CELF2: variants seen among roughly 807,000 people sequenced by gnomAD.
CELF2 encodes CUGBP Elav-like family member 2.
Under a neutral mutation model 62.6 loss-of-function variants are expected in CELF2, and 8 were observed. The ratio of observed to expected loss-of-function variants is 0.13; its 90% CI spans 0.07 to 0.23. The LOEUF is 0.23. Among genes scored for constraint, CELF2 ranks in the 10% least tolerant of loss-of-function variants. The probability of loss-of-function intolerance (pLI) is 1.00; values close to 1 mark genes in which losing one functional copy is unlikely to be tolerated. For missense variants in CELF2, 333 were observed against 671.0 expected (o/e 0.50, Z 5.56); for synonymous variants, 258 against 250.0 (o/e 1.03, Z -0.30).
intron 1 of CELF2, among the ~76,000 whole-genome samples, chr10:11,116,189 C>A (rs982958789): frequency 2.6e-5 from 4 of 152,196 alleles, no homozygotes; most frequent in African/African-American, 9.7e-5. Context: ...TACAAACCAT[C>A]CTTCAGAAGA....
chr10:10,940,797 A>G (rs1352633682), intron 2 of CELF2, among the ~76,000 whole-genome samples: 1 of 152,194 alleles, frequency 6.6e-6, no homozygotes, highest in Non-Finnish European at 1.5e-5. Flanking sequence ...GGTAGGGAGA[A>G]GAAGGGTTGC....
the CELF2 span, chr10:10,792,336 G>A: frequency 1.7e-4 from 67 of 398,206 alleles, no homozygotes; most frequent in African/African-American, 1.3e-3. Flanking sequence ...GAGTTTTTGT[G>A]GGGGAGTGGG....
At chr10:10,486,409 T>G in the CELF2 span, among the ~76,000 whole-genome samples, 1 of 152,118 alleles carries the variant, frequency 6.6e-6, no homozygotes, top group African/African-American at 2.4e-5. Context: ...CTCAAATGAG[T>G]CTTCTCTAAT....
chr10:10,519,354 A>G, the CELF2 span, among the ~76,000 whole-genome samples: 1 of 152,332 alleles, frequency 6.6e-6, no homozygotes, highest in African/African-American at 2.4e-5. Context: ...GCTAAATCAA[A>G]GAAAGAATCC....
At chr10:10,918,368 G>A (rs1175475665) in intron 1 of CELF2, among the ~76,000 whole-genome samples, 1 of 152,160 alleles carries the variant, frequency 6.6e-6, no homozygotes, top group African/African-American at 2.4e-5. Flanking sequence ...TTCAATTCTG[G>A]TTTTGCTGAA....
At chr10:10,503,331 G>A in the CELF2 span, among the ~76,000 whole-genome samples, 1 of 151,904 alleles carries the variant, frequency 6.6e-6, no homozygotes. Flanking sequence ...GAATGTTAAA[G>A]TCTATAACTC....
the CELF2 span, among the ~76,000 whole-genome samples, chr10:10,569,653 A>G: frequency 0.05 from 7,546 of 152,242 alleles, 416 homozygotes; most frequent in African/African-American, 0.13. Flanking sequence ...TTAAAGAGAG[A>G]GGAATTCAAT....
rs185172210 is a variant in CELF2 at position 11,275,269 on chromosome 10, C to T, written c.841+149C>T. On this transcript the variant is annotated intron_variant, in intron 8 of 12. Transcript: ENST00000633077. Reference sequence around the variant, plus strand: ...CTGTCTTTGGTGTTAACGTTGGAACCGCCTGCTCTGAAGTGTCTCTGTTAT... The same window carrying T: ...CTGTCTTTGGTGTTAACGTTGGAACTGCCTGCTCTGAAGTGTCTCTGTTAT... 67 of 806,986 alleles carry T rather than the reference C, an allele frequency of 8.3e-5. No homozygotes were observed. The African/African-American group carries it at 9.2e-4, about 11-fold the overall frequency. 50.0% of individuals were successfully genotyped at this position (806,986 alleles called of 1,614,324 possible).
intron 2 of CELF2, among the ~76,000 whole-genome samples, chr10:10,975,190 G>T (rs558333422): frequency 6.6e-6 from 1 of 152,086 alleles, no homozygotes; most frequent in Non-Finnish European, 1.5e-5. Context: ...CAATCATGGC[G>T]TACTGCAGCT....
At chr10:10,546,643 C>G in the CELF2 span, among the ~76,000 whole-genome samples, 1 of 152,056 alleles carries the variant, frequency 6.6e-6, no homozygotes, top group Admixed American at 6.6e-5. Context: ...ACTCTCTGGT[C>G]AAGAGCACAA....
At chr10:10,473,544 C>T in the CELF2 span, among the ~76,000 whole-genome samples, 6 of 151,854 alleles carry the variant, frequency 4.0e-5, no homozygotes, top group African/African-American at 4.8e-5. Context: ...GACAGTCACG[C>T]CTTTTAAATA....
intron 2 of CELF2, among the ~76,000 whole-genome samples, chr10:10,924,281 CAA>C (rs11415164): frequency 7.8e-4 from 35 of 45,076 alleles, no homozygotes; most frequent in African/African-American, 2.2e-3. Context: ...GACTCCGTCC[CAA>C]AAAAAAAAAA....
chr10:10,596,517 A>C, the CELF2 span, among the ~76,000 whole-genome samples: 1 of 152,148 alleles, frequency 6.6e-6, no homozygotes, highest in Non-Finnish European at 1.5e-5. Context: ...CCCAGTTGCT[A>C]CTGCAAAAAC....
the CELF2 span, among the ~76,000 whole-genome samples, chr10:10,556,120 G>C: frequency 1.3e-5 from 2 of 152,042 alleles, no homozygotes; most frequent in African/African-American, 4.8e-5. Flanking sequence ...ACATGCTGGT[G>C]TGCTGCACCC....
rs2093903062 is a variant in CELF2 at position 11,302,919 on chromosome 10, CGT to C, written c.977-11215_977-11214del. On this transcript the variant is annotated intron_variant, in intron 9 of 12. Transcript: ENST00000633077. The surrounding 1 kb of genome is among the most constrained non-coding windows in gnomAD (Gnocchi z 5.0). Reference sequence around the variant, plus strand: ...TTTCTCTGCCAGGAGATGAAGCCAGCGTGTGTTTGGCACAACAATAAGAGCTT... The same window carrying C: ...TTTCTCTGCCAGGAGATGAAGCCAGCGTGTTTGGCACAACAATAAGAGCTT... 6.6e-6 allele frequency among the ~76,000 whole-genome samples: 1 copy of C among 152,142 alleles called. No homozygotes were observed.
At chr10:10,912,973 C>T (rs754637603) in intron 1 of CELF2, among the ~76,000 whole-genome samples, 1 of 152,114 alleles carries the variant, frequency 6.6e-6, no homozygotes, top group Non-Finnish European at 1.5e-5. Flanking sequence ...AGTGAGTGGA[C>T]GCCTGTAAAT....
the CELF2 span, among the ~76,000 whole-genome samples, chr10:10,632,742 A>G: frequency 6.6e-6 from 1 of 152,236 alleles, no homozygotes; most frequent in Admixed American, 6.5e-5. Flanking sequence ...TAAAATTCAG[A>G]AGGTAGAAAG....
At chr10:11,225,174 G>C (rs1238230134) in intron 3 of CELF2, among the ~76,000 whole-genome samples, 1 of 152,176 alleles carries the variant, frequency 6.6e-6, no homozygotes, top group Non-Finnish European at 1.5e-5. Flanking sequence ...ACCAGCCGCA[G>C]AGATGAAAGA....
At chr10:10,890,455 G>T (rs546822727) in intron 1 of CELF2, among the ~76,000 whole-genome samples, 15 of 152,238 alleles carry the variant, frequency 9.9e-5, no homozygotes, top group South Asian at 4.1e-4. Flanking sequence ...ATAAAATTCA[G>T]TTGTGCATTA....
Sources: gnomAD v4.1 joint callset for allele counts (sites outside exome capture counted in the v4.1 genomes callset) on GRCh38, gnomAD v4.1.1 for gene constraint, Gnocchi (gnomAD v3.1) non-coding constraint, MANE v1.5 for transcripts, NCBI Gene and HGNC (gene_info 2026-07-23, HGNC 2026-07-21) for gene names.